PCDHGA4: variants seen among roughly 807,000 people sequenced by gnomAD.
The protein encoded by PCDHGA4 is protocadherin gamma-A4.
Under a neutral mutation model 54.6 loss-of-function variants are expected in PCDHGA4, and 38 were observed. The ratio of observed to expected loss-of-function variants is 0.70; its 90% CI spans 0.54 to 0.91. PCDHGA4 has a LOEUF of 0.91. Among genes scored for constraint, PCDHGA4 ranks in the 40% least tolerant of loss-of-function variants. The probability of loss-of-function intolerance (pLI) is 0.00; values close to 1 mark genes in which losing one functional copy is unlikely to be tolerated. For missense variants in PCDHGA4, 1,298 were observed against 1,220.9 expected, an observed-to-expected ratio of 1.06 and a Z score of -0.94; for synonymous variants, 511 against 512.9, an observed-to-expected ratio of 1.00 and a Z score of 0.05.
chr5:141,434,440 T>C (rs1283641379), intron 1 of PCDHGA4, among the ~76,000 whole-genome samples: 2 of 152,238 alleles, frequency 1.3e-5, no homozygotes, highest in Non-Finnish European at 2.9e-5. Flanking sequence ...GTAATGCCCA[T>C]GCTGGAAGGT....
At chr5:141,495,480 C>A (rs2099761689) in intron 2 of PCDHGA4, among the ~76,000 whole-genome samples, 1 of 152,208 alleles carries the variant, frequency 6.6e-6, no homozygotes, top group African/African-American at 2.4e-5. Flanking sequence ...CGTGTCTCTG[C>A]CCCTTTTTCT....
chr5:141,463,424 CT>C (rs2099058999), intron 1 of PCDHGA4, among the ~76,000 whole-genome samples: 1 of 148,698 alleles, frequency 6.7e-6, no homozygotes, highest in Non-Finnish European at 1.5e-5. Flanking sequence ...TTTGCGGATC[CT>C]CATTTCCTTC....
intron 1 of PCDHGA4, chr5:141,360,960 A>C (rs1312834351): frequency 7.4e-6 from 12 of 1,613,840 alleles, no homozygotes; most frequent in Non-Finnish European, 1.0e-5. Flanking sequence ...GCATAAACGC[A>C]GAGATCACCT....
At position 141,420,872 on chromosome 5, in the gene PCDHGA4, G is replaced by A. The variant is rs575322685; in HGVS notation, c.2514+63251G>A. 3.3e-5 allele frequency among the ~76,000 whole-genome samples: 5 copies of A among 152,328 alleles called. No homozygotes were observed. The East Asian group carries it at 7.7e-4, about 24-fold the overall frequency. On this transcript the variant is annotated intron_variant, in intron 1 of 3. Coordinates refer to ENST00000571252, the MANE Select transcript of PCDHGA4 (RefSeq NM_018917.4). ...AAAGTTTTAACGTCACATAATGTAA[G>A]TATTGTGTATCATCGTTTTTAAGCT...
At chr5:141,405,394 C>A (rs761584699) in intron 1 of PCDHGA4, 7 of 1,593,014 alleles carry the variant, frequency 4.4e-6, no homozygotes, top group Non-Finnish European at 6.0e-6. Context: ...CATTTTTTTT[C>A]TTTCTTTCTT....
At chr5:141,375,107 G>A in intron 1 of PCDHGA4, 1 of 1,613,962 alleles carries the variant, frequency 6.2e-7, no homozygotes, top group South Asian at 1.1e-5. Flanking sequence ...GGATGTCAAT[G>A]ATAATGTACC....
Position 141,357,385 on chromosome 5 carries a change from G to A in PCDHGA4, c.2278G>A (p.Gly760Ser). The A allele has an allele frequency of 6.2e-7, 1 of 1,614,228 alleles. No individual in the cohort carries two copies. Residue 760 changes from glycine (G) to serine (S), a missense_variant, in exon 1 of 4, where the codon GGC (glycine) becomes AGC (serine). Transcript: ENST00000571252. ...CAAGTCACGCCTGCTTCACGCTGAA[G>A]GCAGCAGGTTGGCAGGTGTGCCTGC... is the stretch of plus-strand genomic sequence containing the variant. ...WHKSRLLHAE[G>S]SRLAGVPASH...
In PCDHGA4 at chr5:141,432,293, G is replaced by T. The variant is rs765631138; in HGVS notation, c.2515-62514G>T. ...CTACGTGTCCATCAACTCCGACACT[G>T]GGGTACTGTATGCGCTGAGCTCCTT... On this transcript the variant is annotated intron_variant, in intron 1 of 3. Coordinates refer to ENST00000571252, the MANE Select transcript of PCDHGA4 (RefSeq NM_018917.4). The surrounding 1 kb of genome is among the most constrained non-coding windows in gnomAD (Gnocchi z 6.0). 1.2e-6 allele frequency: 2 copies of T among 1,614,136 alleles called. No individual in the cohort carries two copies. Among genetic ancestry groups the T allele is most frequent in the African/African-American group, 1.3e-5 (1 of 74,950 alleles).
chr5:141,419,524 T>C (rs1400473876), intron 1 of PCDHGA4: 4 of 1,612,164 alleles, frequency 2.5e-6, no homozygotes, highest in Non-Finnish European at 3.4e-6. Flanking sequence ...TGGGCGACCG[T>C]AACGACAACG....
intron 1 of PCDHGA4, chr5:141,420,103 G>C (rs754672450): frequency 4.3e-6 from 7 of 1,613,990 alleles, no homozygotes; most frequent in Non-Finnish European, 2.5e-6. Context: ...AGGGAACGTT[G>C]CCCTATGCCT....
At chr5:141,441,710 G>A (rs2098266791) in intron 1 of PCDHGA4, 1 of 322,162 alleles carries the variant, frequency 3.1e-6, no homozygotes, top group Non-Finnish European at 6.1e-6. Context: ...TCAAGCTCAC[G>A]CTGCAGGCCC....
rs773048793 is a variant in PCDHGA4, at chr5:141,505,456, A to T, written c.2637A>T (p.Gln879His). The T allele has an allele frequency of 1.3e-5, 21 of 1,614,110 alleles. No homozygotes were observed. The highest frequency in any genetic ancestry group is 1.7e-5 in the Non-Finnish European group (20 of 1,180,044). The change falls in exon 3 of 4, where the codon CAA becomes CAT. Residue 879 changes from glutamine (Q) to histidine (H), a missense_variant. By Grantham distance (24) the Gln-to-His change is conservative (BLOSUM62 0). Coordinates refer to ENST00000571252, the MANE Select transcript of PCDHGA4 (RefSeq NM_018917.4). ...ACCAGTTTGACACAGAGATGCTGCA[A>T]GCCATGATCTTGGCGTCCGCCAGTG... ...PNNQFDTEML[Q>H]AMILASASEA...
chr5:141,491,542 G>T lies in PCDHGA4; in HGVS notation c.2515-3265G>T, dbSNP rs112433306. The T allele has an allele frequency of 6.2e-7, 1 of 1,613,898 alleles. No homozygotes were observed. Among genetic ancestry groups the T allele is most frequent in the Admixed American group, 1.7e-5 (1 of 60,006 alleles). On this transcript the variant is annotated intron_variant, in intron 1 of 3. Transcript: ENST00000571252. This position sits in a 1 kb window ranked among gnomAD's most constrained non-coding sequence, Gnocchi z 6.9. ...CATGGAGGTGACGCTGCGGCCCACA[G>T]ACTCGCAGAGCCACTGCTACAGGAC...
intron 1 of PCDHGA4, chr5:141,374,969 G>A (rs200408172): frequency 1.2e-5 from 20 of 1,613,904 alleles, no homozygotes; most frequent in Middle Eastern, 1.6e-4. Flanking sequence ...CTGTTTGAAT[G>A]TTTTGACTGG....
chr5:141,366,476 C>T (rs760870646), intron 1 of PCDHGA4: 41 of 1,614,144 alleles, frequency 2.5e-5, no homozygotes, highest in Non-Finnish European at 3.1e-5. Flanking sequence ...GGTGCTCAGA[C>T]TGAGGCGCTG....
At chr5:141,360,456 T>A (rs1588550793) in intron 1 of PCDHGA4, 1 of 1,613,990 alleles carries the variant, frequency 6.2e-7, no homozygotes, top group Non-Finnish European at 8.5e-7. Flanking sequence ...TGGATTTCGA[T>A]ACTGTCGCTG....
At chr5:141,472,980 C>CAAAAAAA (rs60579131) in intron 1 of PCDHGA4, among the ~76,000 whole-genome samples, 1 of 86,102 alleles carries the variant, frequency 1.2e-5, no homozygotes, top group South Asian at 4.3e-4. Flanking sequence ...GAGTGAAACT[C>CAAAAAAA]AAAAAAAAAA....
chr5:141,465,532 C>T (rs1175698109), intron 1 of PCDHGA4, among the ~76,000 whole-genome samples: 1 of 152,138 alleles, frequency 6.6e-6, no homozygotes, highest in Non-Finnish European at 1.5e-5. Flanking sequence ...GGAAGTTTTC[C>T]CAGGCATTTT....
Position 141,486,059 on chromosome 5 carries a change from C to A in PCDHGA4, c.2515-8748C>A. On this transcript the variant is annotated intron_variant, in intron 1 of 3. Transcript: ENST00000571252. This position sits in a 1 kb window ranked among gnomAD's most constrained non-coding sequence, Gnocchi z 5.0. ...TCGTGTAAGAAACCTCTTTAGCCTG[C>A]ACCCCACTACTGGAAAGCTTACTCT... 1 of 1,614,152 alleles carries A rather than the reference C, an allele frequency of 6.2e-7. No homozygotes were observed. Among genetic ancestry groups the A allele is most frequent in the Non-Finnish European group, 8.5e-7 (1 of 1,180,010 alleles).
Sources: allele counts gnomAD v4.1 joint callset (sites outside exome capture counted in the v4.1 genomes callset), GRCh38; gene constraint gnomAD v4.1.1; non-coding constraint Gnocchi (gnomAD v3.1); transcripts MANE v1.5; gene names NCBI Gene and HGNC (gene_info 2026-07-23, HGNC 2026-07-21).